MSRA: variants seen among roughly 807,000 people sequenced by gnomAD.
MSRA encodes mitochondrial peptide methionine sulfoxide reductase.
In MSRA, 54 loss-of-function variants were observed where a neutral mutation model predicts 31.3. The ratio of observed to expected loss-of-function variants is 1.73; its 90% confidence interval spans 1.39 to 2.17. The LOEUF (loss-of-function observed/expected upper bound fraction) is 2.17. MSRA is among the 30% of genes most tolerant of loss of function. The pLI is 0.00. For synonymous variants in MSRA, 169 were observed against 116.5 expected (o/e 1.45, Z -2.90); for missense variants, 507 against 300.9 (o/e 1.69, Z -5.07).
intron 2 of MSRA, among the ~76,000 whole-genome samples, chr8:10,221,378 C>T (rs1410036554): frequency 2.0e-5 from 3 of 151,670 alleles, no homozygotes; most frequent in Non-Finnish European, 4.4e-5. Context: ...CCAGCACCAC[C>T]CAGCTTTTCC....
intron 5 of MSRA, among the ~76,000 whole-genome samples, chr8:10,419,380 T>C (rs1398295357): frequency 6.6e-6 from 1 of 151,354 alleles, no homozygotes; most frequent in African/African-American, 2.4e-5. Context: ...TTGAATAAGA[T>C]CCCTAACTGC....
chr8:10,110,123 GAC>G (rs1282397815), intron 1 of MSRA, among the ~76,000 whole-genome samples: 5 of 152,030 alleles, frequency 3.3e-5, no homozygotes, highest in African/African-American at 1.2e-4. Flanking sequence ...CCAGCGTTCT[GAC>G]ACAGACTTCC....
At chr8:10,105,737 G>T (rs1053010773) in intron 1 of MSRA, among the ~76,000 whole-genome samples, 2 of 152,196 alleles carry the variant, frequency 1.3e-5, no homozygotes, top group Admixed American at 6.5e-5. Context: ...AATGCACACT[G>T]TTGGGGCAAG....
intron 5 of MSRA, among the ~76,000 whole-genome samples, chr8:10,333,273 A>G (rs533690508): frequency 6.6e-5 from 10 of 152,352 alleles, no homozygotes; most frequent in African/African-American, 2.4e-4. Context: ...GTGGAATGCA[A>G]GATGATTTTA....
chr8:10,242,793 G>T (rs536395943), intron 2 of MSRA, among the ~76,000 whole-genome samples: 1 of 152,054 alleles, frequency 6.6e-6, no homozygotes, highest in East Asian at 1.9e-4. Context: ...ACCTGCAGCC[G>T]CTAGTTGAAA....
At chr8:10,353,890 G>C (rs367691006) in intron 5 of MSRA, 1 of 233,942 alleles carries the variant, frequency 4.3e-6, no homozygotes, top group African/African-American at 2.3e-5. Flanking sequence ...AAGACAAAAA[G>C]ATGAAGGAAA....
chr8:10,384,233 C>G (rs773197706), intron 5 of MSRA, among the ~76,000 whole-genome samples: 15 of 152,180 alleles, frequency 9.9e-5, no homozygotes, highest in Non-Finnish European at 1.5e-4. Flanking sequence ...AACCACCTGC[C>G]TTGAAATAGG....
In MSRA at chr8:10,156,252, C is replaced by G. The variant is rs150838557; in HGVS notation, c.143-51581C>G. Among the ~76,000 whole-genome samples the G allele has an allele frequency of 2.0e-5, 3 of 152,114 alleles. No homozygotes were observed. The East Asian group carries it at 5.8e-4, about 29-fold the overall frequency. On this transcript the variant is annotated intron_variant, in intron 1 of 5. Coordinates refer to ENST00000317173, the MANE Select transcript of MSRA (RefSeq NM_012331.5). Reference sequence around the variant, plus strand: ...CTATAAAGGACATTTTTGAGACAATCGGGGAAATGTGAGTGTGGACTGTAT... The same window carrying G: ...CTATAAAGGACATTTTTGAGACAATGGGGGAAATGTGAGTGTGGACTGTAT...
intron 1 of MSRA, among the ~76,000 whole-genome samples, chr8:10,129,005 A>AT (rs1416181574): frequency 6.6e-6 from 1 of 152,028 alleles, no homozygotes; most frequent in African/African-American, 2.4e-5. Flanking sequence ...TTCTCTCTTA[A>AT]TTTTCTCACG....
intron 5 of MSRA, among the ~76,000 whole-genome samples, chr8:10,383,457 A>C (rs978046573): frequency 2.0e-5 from 3 of 152,158 alleles, no homozygotes; most frequent in African/African-American, 7.2e-5. Flanking sequence ...GCTCTAGTGA[A>C]GTAGTTTCAA....
At chr8:10,329,514 C>T (rs1381157413) in intron 5 of MSRA, among the ~76,000 whole-genome samples, 1 of 152,212 alleles carries the variant, frequency 6.6e-6, no homozygotes, top group Admixed American at 6.5e-5. Flanking sequence ...CGCATCTCAA[C>T]CCCCCTTATT....
At chr8:10,103,220 G>C (rs1363488213) in intron 1 of MSRA, among the ~76,000 whole-genome samples, 2 of 152,102 alleles carry the variant, frequency 1.3e-5, no homozygotes, top group African/African-American at 4.8e-5. Flanking sequence ...TTTTAGAAGA[G>C]GTCAGTATAT....
At chr8:10,401,681 G>GT (rs935108890) in intron 5 of MSRA, among the ~76,000 whole-genome samples, 86 of 94,974 alleles carry the variant, frequency 9.1e-4, no homozygotes, top group African/African-American at 2.9e-3. Context: ...AGATGAATGG[G>GT]TAAAAAAAAA....
At chr8:10,269,238 G>T (rs1182196643) in intron 3 of MSRA, among the ~76,000 whole-genome samples, 1 of 152,214 alleles carries the variant, frequency 6.6e-6, no homozygotes, top group Non-Finnish European at 1.5e-5. Context: ...ACCACAGAGT[G>T]AGCCATTCTC....
chr8:10,221,969 G>A (rs548561454), intron 2 of MSRA, among the ~76,000 whole-genome samples: 1 of 152,266 alleles, frequency 6.6e-6, no homozygotes, highest in South Asian at 2.1e-4. Flanking sequence ...CAGAGACTAC[G>A]AGATCATGAA....
chr8:10,058,126 G>C (rs1802499571), intron 1 of MSRA, among the ~76,000 whole-genome samples: 1 of 152,078 alleles, frequency 6.6e-6, no homozygotes, highest in South Asian at 2.1e-4. Flanking sequence ...TTTTGTTACA[G>C]TGCTTTTTTT....
chr8:10,251,186 T>C (rs915134351), intron 3 of MSRA, among the ~76,000 whole-genome samples: 3 of 151,588 alleles, frequency 2.0e-5, no homozygotes, highest in Non-Finnish European at 4.4e-5. Context: ...ATTTCCCCAC[T>C]AATGTAAGAC....
At chr8:10,287,806 C>T (rs1800017952) in intron 3 of MSRA, among the ~76,000 whole-genome samples, 1 of 152,152 alleles carries the variant, frequency 6.6e-6, no homozygotes, top group South Asian at 2.1e-4. Flanking sequence ...CATGGTAGAG[C>T]ACTAGAGTCA....
intron 1 of MSRA, among the ~76,000 whole-genome samples, chr8:10,124,559 T>G (rs1195907235): frequency 1.3e-5 from 2 of 152,258 alleles, no homozygotes; most frequent in Non-Finnish European, 2.9e-5. Context: ...GCTCCTATGA[T>G]TCTACTTTGA....
Sources: gnomAD v4.1 joint callset for allele counts (sites outside exome capture counted in the v4.1 genomes callset) on GRCh38, gnomAD v4.1.1 for gene constraint, MANE v1.5 for transcripts, NCBI Gene and HGNC (gene_info 2026-07-23, HGNC 2026-07-21) for gene names.